The following TECRL variants were observed in gnomAD, a reference collection of about 807,000 sequenced individuals.
TECRL encodes the protein trans-2,3-enoyl-CoA reductase-like.
In TECRL, 63 loss-of-function variants were observed where a neutral mutation model predicts 52.8. The observed-to-expected ratio is 1.19, with a 90% CI of 0.97 to 1.47. The LOEUF (loss-of-function observed/expected upper bound fraction) is 1.47. Among genes scored for constraint, TECRL ranks in the 40% most tolerant of loss-of-function variants. The pLI is 0.00. For synonymous variants in TECRL, 164 were observed against 141.9 expected (o/e 1.16, Z -1.10); for missense variants, 482 against 429.6 (o/e 1.12, Z -1.08).
intron 2 of TECRL, among the ~76,000 whole-genome samples, chr4:64,371,152 T>C (rs1418821712): frequency 6.6e-6 from 1 of 151,614 alleles, no homozygotes; most frequent in Non-Finnish European, 1.5e-5. Flanking sequence ...ATTTAGGGCA[T>C]CTTATCTTGT....
At chr4:64,380,082 A>G (rs1342296944) in intron 1 of TECRL, among the ~76,000 whole-genome samples, 3 of 152,048 alleles carry the variant, frequency 2.0e-5, no homozygotes, top group African/African-American at 7.2e-5. Context: ...TCTTTCCATA[A>G]TAGCCATTCA....
At chr4:64,341,131 C>A (rs557304059) in intron 2 of TECRL, among the ~76,000 whole-genome samples, 2 of 152,114 alleles carry the variant, frequency 1.3e-5, no homozygotes, top group African/African-American at 2.4e-5. Flanking sequence ...TGTTGGGAGA[C>A]CCTGGTGGCA....
rs1048462319 is a variant in TECRL at position 64,278,393 on chromosome 4, C to T, written c.*1679G>A. ...AACAATAAAAGAATTAAATTATTGTCAAAATAATGAGATTCAAGTAATTTA... is the reference window on the plus strand; with the variant it reads ...AACAATAAAAGAATTAAATTATTGTTAAAATAATGAGATTCAAGTAATTTA... On this transcript the variant is annotated 3_prime_UTR_variant, in exon 12 of 12. Coordinates refer to ENST00000381210, the MANE Select transcript of TECRL (RefSeq NM_001010874.5). 14 of 244,916 alleles carry T rather than the reference C, an allele frequency of 5.7e-5. No individual in the cohort carries two copies. Among genetic ancestry groups the T allele is most frequent in the African/African-American group, 3.3e-4 (14 of 42,938 alleles). 15.2% of individuals were successfully genotyped at this position (244,916 alleles called of 1,614,324 possible).
chr4:64,305,038 A>C, intron 7 of TECRL, 128 bp downstream of exon 7: 1 of 631,104 alleles, frequency 1.6e-6, no homozygotes, highest in African/African-American at 1.8e-5. Context: ...ATTTAAAGAA[A>C]TATGATATGA....
chr4:64,331,594 T>C (rs756647217), intron 2 of TECRL, among the ~76,000 whole-genome samples: 1 of 151,982 alleles, frequency 6.6e-6, no homozygotes, highest in Non-Finnish European at 1.5e-5. Flanking sequence ...CCTAAATCAC[T>C]TAAAGATGAT....
intron 9 of TECRL, among the ~76,000 whole-genome samples, chr4:64,289,329 T>C (rs2109945272): frequency 6.6e-6 from 1 of 152,350 alleles, no homozygotes; most frequent in Non-Finnish European, 1.5e-5. Context: ...AAAGGTAATT[T>C]GAAATAGTAG....
At chr4:64,282,080 ACACTGAATAT>A (rs905135168) in intron 9 of TECRL, among the ~76,000 whole-genome samples, 1 of 151,944 alleles carries the variant, frequency 6.6e-6, no homozygotes, top group African/African-American at 2.4e-5. Flanking sequence ...TAAAAGGATT[ACACTGAATAT>A]CAGTATAGTT....
At chr4:64,399,914 T>C (rs1363190646) in intron 1 of TECRL, among the ~76,000 whole-genome samples, 1 of 152,110 alleles carries the variant, frequency 6.6e-6, no homozygotes, top group African/African-American at 2.4e-5. Flanking sequence ...GAGTGTGAAG[T>C]TGGAGTCTCC....
chr4:64,396,462 G>A (rs763778635), intron 1 of TECRL, among the ~76,000 whole-genome samples: 3 of 151,910 alleles, frequency 2.0e-5, no homozygotes, highest in Non-Finnish European at 4.4e-5. Context: ...TTGGTTATAT[G>A]TATCTTTTCA....
At chr4:64,352,324 G>C (rs542885156) in intron 2 of TECRL, among the ~76,000 whole-genome samples, 2 of 152,198 alleles carry the variant, frequency 1.3e-5, no homozygotes, top group African/African-American at 2.4e-5. Context: ...ACAGAGTCTT[G>C]AGTCATCATT....
At chr4:64,316,203 T>C (rs1172222061) in intron 4 of TECRL, among the ~76,000 whole-genome samples, 1 of 152,122 alleles carries the variant, frequency 6.6e-6, no homozygotes, top group Non-Finnish European at 1.5e-5. Flanking sequence ...AATAGTTAAC[T>C]TGGACCAAGT....
At chr4:64,399,061 G>A (rs749580451) in intron 1 of TECRL, among the ~76,000 whole-genome samples, 9 of 152,060 alleles carry the variant, frequency 5.9e-5, no homozygotes, top group Non-Finnish European at 1.0e-4. Flanking sequence ...GTTTTATTTT[G>A]TTGTTTTAGG....
intron 3 of TECRL, among the ~76,000 whole-genome samples, chr4:64,325,168 A>G (rs572978862): frequency 3.9e-5 from 6 of 152,328 alleles, no homozygotes; most frequent in African/African-American, 1.4e-4. Flanking sequence ...CTAGGAAGTG[A>G]CAGCCAGCAA....
chr4:64,409,168 T>C lies in TECRL; in HGVS notation c.184A>G (p.Ile62Val), dbSNP rs1304883042. Residue 62 changes from isoleucine to valine, a missense_variant, in exon 1 of 12, where the codon ATT (isoleucine) becomes GTT (valine). Ile to Val is a conservative substitution (Grantham distance 29). Coordinates refer to ENST00000381210, the MANE Select transcript of TECRL (RefSeq NM_001010874.5). ...CTTGTTTGAGCATCAAATATTTCAA[T>C]CTCAAAGTGAGTCGTTTTTGAATGT... ...VKHSKTTHFE[I>V]EIFDAQTRKQ... The C allele has an allele frequency of 6.2e-7, 1 of 1,613,616 alleles. No homozygotes were observed. Among genetic ancestry groups the C allele is most frequent in the Non-Finnish European group, 8.5e-7 (1 of 1,179,804 alleles).
intron 2 of TECRL, among the ~76,000 whole-genome samples, chr4:64,374,279 AT>A (rs1317797579): frequency 6.6e-6 from 1 of 151,042 alleles, no homozygotes; most frequent in Non-Finnish European, 1.5e-5. Flanking sequence ...TTTTAAATAG[AT>A]TGTACTCAAA....
rs1221597846 is a variant in TECRL at position 64,314,629 on chromosome 4, GTGTGTGTGTA to G, written c.551+9_551+18del. The G allele has an allele frequency of 1.1e-6, 1 of 883,854 alleles. No homozygotes were observed. Among genetic ancestry groups the G allele is most frequent in the African/African-American group, 1.9e-5 (1 of 52,912 alleles). 54.8% of individuals were successfully genotyped at this position (883,854 alleles called of 1,614,324 possible). The stretch of plus-strand genomic sequence containing the variant: ...TGTGTGTGTGTGTGTGTGTGTGTGT[GTGTGTGTGTA>G]TCACTTACTGTACCACTGGGTGGCG... On this transcript the variant is annotated intron_variant, in intron 5 of 11. Coordinates refer to ENST00000381210, the MANE Select transcript of TECRL (RefSeq NM_001010874.5).
At chr4:64,312,914 C>A (rs1373164794) in intron 5 of TECRL, among the ~76,000 whole-genome samples, 1 of 152,158 alleles carries the variant, frequency 6.6e-6, no homozygotes, top group Non-Finnish European at 1.5e-5. Flanking sequence ...ATCTCTTTAT[C>A]CCAGCCGCTT....
intron 4 of TECRL, among the ~76,000 whole-genome samples, chr4:64,316,022 C>T (rs1336408660): frequency 6.7e-6 from 1 of 149,740 alleles, no homozygotes; most frequent in East Asian, 2.0e-4. Flanking sequence ...AAAATGTTTG[C>T]CACTTGTGAA....
At chr4:64,359,783 T>C (rs1403389695) in intron 2 of TECRL, among the ~76,000 whole-genome samples, 1 of 152,090 alleles carries the variant, frequency 6.6e-6, no homozygotes, top group African/African-American at 2.4e-5. Flanking sequence ...CATAGGTAAA[T>C]AGAATCTCAC....
Sources: allele counts gnomAD v4.1 joint callset (sites outside exome capture counted in the v4.1 genomes callset), GRCh38; gene constraint gnomAD v4.1.1; transcripts MANE v1.5; gene names NCBI Gene and HGNC (gene_info 2026-07-23, HGNC 2026-07-21).